NOMO1: variants seen among roughly 807,000 people sequenced by gnomAD.
NOMO1 encodes the protein NODAL modulator 1.
A neutral mutation model predicts 133.8 loss-of-function variants in NOMO1; 40 were observed. The observed-to-expected ratio is 0.30, with a 90% CI of 0.23 to 0.39. The LOEUF (loss-of-function observed/expected upper bound fraction) is 0.39, where lower values mean the gene tolerates loss of function less well. Among genes scored for constraint, NOMO1 ranks in the 10% least tolerant of loss-of-function variants. The probability of loss-of-function intolerance (pLI) is 1.00; values close to 1 mark genes in which losing one functional copy is unlikely to be tolerated. For synonymous variants in NOMO1, 236 were observed against 570.5 expected, an observed-to-expected ratio of 0.41 and a Z score of 8.36; for missense variants, 462 against 1,419.9, an observed-to-expected ratio of 0.33 and a Z score of 10.84.
At chr16:14,893,458 T>A (rs1964435174) in intron 29 of NOMO1, among the ~76,000 whole-genome samples, 1 of 151,854 alleles carries the variant, frequency 6.6e-6, no homozygotes, top group African/African-American at 2.4e-5. Flanking sequence ...AGTGCTGGGA[T>A]TACAGGCGTG....
chr16:14,892,242 CAAAA>C (rs995882423), intron 29 of NOMO1, among the ~76,000 whole-genome samples: 1 of 140,456 alleles, frequency 7.1e-6, no homozygotes, highest in Non-Finnish European at 1.6e-5. Flanking sequence ...AAGACTGTTT[CAAAA>C]AAAAAAAAGA....
At chr16:14,887,475 T>A (rs1400768190) in intron 28 of NOMO1, among the ~76,000 whole-genome samples, 2 of 151,680 alleles carry the variant, frequency 1.3e-5, no homozygotes, top group African/African-American at 2.4e-5. Flanking sequence ...TTTTTTTTTT[T>A]ATTTTTAGTA....
chr16:14,864,671 G>A lies in NOMO1; in HGVS notation c.1482G>A (p.Met494Ile). 1 of 1,612,998 alleles carries A rather than the reference G, an allele frequency of 6.2e-7. No individual in the cohort carries two copies. The highest frequency in any genetic ancestry group is 8.5e-7 in the Non-Finnish European group (1 of 1,179,676). ...TTACTGTGACCAACAGGCCCATGAT[G>A]GATGTGGCCTTTGTACAGTTCTTGG... ...FPLTVTNRPM[M>I]DVAFVQFLAS... is the part of the protein sequence containing the mutation. Residue 494 changes from methionine (M) to isoleucine (I), a missense_variant, in exon 13 of 31, where the codon ATG becomes ATA. By Grantham distance (10) the Met-to-Ile change is conservative. Transcript: ENST00000287667.
Position 14,833,871 on chromosome 16 carries a change from C to T in NOMO1, c.20C>T (p.Ala7Val), listed in dbSNP as rs1963462837. 1.1e-6 allele frequency: 1 copy of T among 890,680 alleles called. No individual in the cohort carries two copies. The highest frequency in any genetic ancestry group is 1.5e-6 in the Non-Finnish European group (1 of 679,232). 55.2% of individuals were successfully genotyped at this position (890,680 alleles called of 1,614,324 possible). Residue 7 changes from alanine to valine, a missense_variant, in exon 1 of 31, where the codon GCG (alanine) becomes GTG (valine). By Grantham distance (64) the Ala-to-Val change is moderately conservative (BLOSUM62 0). Coordinates refer to ENST00000287667, the MANE Select transcript of NOMO1 (RefSeq NM_014287.4). ...CGGGCCATGCTGGTGGGCCAGGGCG[C>T]GGGGCCGCTGGGGCCCGCGGTGGTC... MLVGQG[A>V]GPLGPAVVTA...
At chr16:14,878,594 C>G (rs1262410744) in intron 22 of NOMO1, 127 bp from the exon 23 acceptor site, 3 of 853,916 alleles carry the variant, frequency 3.5e-6, no homozygotes, top group African/African-American at 3.5e-5. Flanking sequence ...GATTAGGTCC[C>G]CTGTCCTCCT....
At chr16:14,878,906 A>C in intron 23 of NOMO1, 72 bp downstream of exon 23, 3 of 1,594,574 alleles carry the variant, frequency 1.9e-6, no homozygotes, top group Non-Finnish European at 2.6e-6. Flanking sequence ...TGCGAGACTT[A>C]CGTGTTGCTT....
In NOMO1 at chr16:14,886,877, C is replaced by T. The variant is rs1197686908; in HGVS notation, c.3324+15C>T. 5.0e-6 allele frequency: 8 copies of T among 1,611,390 alleles called. No homozygotes were observed. The South Asian group carries it at 7.7e-5, about 16-fold the overall frequency. On this transcript the variant is annotated intron_variant, in intron 28 of 30. Transcript: ENST00000287667. ...GAGACGGCGAGGTAATGCCTGTGGC[C>T]GGATTCTACCTTCTGCCTTTGTTTT...
At chr16:14,893,303 C>G (rs1189229444) in intron 29 of NOMO1, among the ~76,000 whole-genome samples, 5 of 151,804 alleles carry the variant, frequency 3.3e-5, no homozygotes, top group African/African-American at 9.7e-5. Context: ...TCAAGTGATT[C>G]TCACCTCCTG....
chr16:14,852,908 C>A, intron 7 of NOMO1: 1 of 243,158 alleles, frequency 4.1e-6, no homozygotes, highest in Non-Finnish European at 7.9e-6. Context: ...GAGGCTGAGG[C>A]AGTAGAATCG....
chr16:14,891,741 AAGG>A (rs1232439721), intron 29 of NOMO1, among the ~76,000 whole-genome samples: 8 of 151,976 alleles, frequency 5.3e-5, no homozygotes, highest in African/African-American at 1.9e-4. Context: ...GGGAACCTAG[AAGG>A]AGATGTGAGC....
chr16:14,856,259 G>C (rs1963832901), intron 9 of NOMO1, among the ~76,000 whole-genome samples: 2 of 151,910 alleles, frequency 1.3e-5, no homozygotes, highest in Admixed American at 6.6e-5. Context: ...GTTAGCAGTG[G>C]TGACCTTGGG....
intron 29 of NOMO1, among the ~76,000 whole-genome samples, chr16:14,892,158 A>G (rs886250333): frequency 2.0e-5 from 3 of 151,550 alleles, no homozygotes; most frequent in Non-Finnish European, 4.4e-5. Flanking sequence ...GTGGCAGGAG[A>G]ATTGTGAACC....
At chr16:14,869,895 C>T (rs569645597) in intron 16 of NOMO1, among the ~76,000 whole-genome samples, 64 of 147,806 alleles carry the variant, frequency 4.3e-4, no homozygotes, top group African/African-American at 1.4e-3. Context: ...TCACCTCCTT[C>T]GCCAACATTT....
At chr16:14,881,400 C>A (rs1412762495) in intron 24 of NOMO1, 144 bp from the exon 25 acceptor site, 9 of 1,582,652 alleles carry the variant, frequency 5.7e-6, no homozygotes, top group Non-Finnish European at 7.8e-6. Flanking sequence ...TGGAAGTGGG[C>A]CGGCCACACT....
rs1402376744 is a variant in NOMO1 at position 14,873,201 on chromosome 16, G to GA, written c.2054+873dup. On this transcript the variant is annotated intron_variant, in intron 18 of 30. Transcript: ENST00000287667. Reference sequence around the variant, plus strand: ...TGAGCTTGACCTTGGGGGCATGCAGGACAGGTAGGCTGCGGGGGGCCAGGC... The same window carrying GA: ...TGAGCTTGACCTTGGGGGCATGCAGGAACAGGTAGGCTGCGGGGGGCCAGGC... Among the ~76,000 whole-genome samples, 4 of 99,050 alleles carry GA rather than the reference G, an allele frequency of 4.0e-5. No homozygotes were observed. The Admixed American group carries it at 4.6e-4, about 11-fold the overall frequency. The allele number at this position is 99,050 out of a possible 152,430, so 65.0% of individuals were successfully genotyped here.
At chr16:14,836,958 G>C (rs1963524674) in intron 1 of NOMO1, among the ~76,000 whole-genome samples, 2 of 151,816 alleles carry the variant, frequency 1.3e-5, no homozygotes, top group South Asian at 4.1e-4. Flanking sequence ...ACCCGCCTCG[G>C]CCTCCCAAAG....
chr16:14,891,501 A>T (rs1964404993), intron 29 of NOMO1, among the ~76,000 whole-genome samples: 1 of 151,864 alleles, frequency 6.6e-6, no homozygotes, highest in Non-Finnish European at 1.5e-5. Flanking sequence ...GGTTTTCTTC[A>T]TTCCCAGCTT....
At position 14,886,094 on chromosome 16, in the gene NOMO1, C is replaced by A. The variant is rs553717250; in HGVS notation, c.3223-667C>A. ...GCCATCAGCCAGGGCTGCACCTTAA[C>A]CCTGCTCATGCCCCATGCCGTGTGG... On this transcript the variant is annotated intron_variant, in intron 27 of 30. Transcript: ENST00000287667. 1.1e-4 allele frequency among the ~76,000 whole-genome samples: 16 copies of A among 152,198 alleles called. No individual in the cohort carries two copies. In the East Asian group the frequency reaches 3.1e-3, roughly 29 times the overall value.
intron 6 of NOMO1, among the ~76,000 whole-genome samples, chr16:14,851,303 G>A (rs1361306615): frequency 6.6e-6 from 1 of 151,932 alleles, no homozygotes; most frequent in Non-Finnish European, 1.5e-5. Context: ...GGGCACTTCT[G>A]GCTTGCTGGT....
Sources: gnomAD v4.1 joint callset for allele counts (sites outside exome capture counted in the v4.1 genomes callset) on GRCh38, gnomAD v4.1.1 for gene constraint, MANE v1.5 for transcripts, NCBI Gene and HGNC (gene_info 2026-07-23, HGNC 2026-07-21) for gene names.